AP3S1: variants seen among roughly 807,000 people sequenced by gnomAD.
AP3S1 encodes AP-3 complex subunit sigma-1.
AP3S1 carries 12 observed loss-of-function variants against 21.3 expected under a neutral mutation model. That is an observed-to-expected ratio of 0.56 (90% CI 0.36 to 0.91). The LOEUF (loss-of-function observed/expected upper bound fraction) is 0.91. Ranked by LOEUF, AP3S1 falls within the 40% of genes least tolerant of loss-of-function variation. The probability of loss-of-function intolerance (pLI) is 0.01; values close to 1 mark genes in which losing one functional copy is unlikely to be tolerated. For missense variants in AP3S1, 116 were observed against 225.0 expected (o/e 0.52, Z 3.10); for synonymous variants, 48 against 78.4 (o/e 0.61, Z 2.05).
At chr5:115,855,022 T>C (rs1466083341) in intron 1 of AP3S1, among the ~76,000 whole-genome samples, 2 of 124,394 alleles carry the variant, frequency 1.6e-5, no homozygotes, top group African/African-American at 7.1e-5. Flanking sequence ...ATATTTTATA[T>C]CTATCTATCT....
chr5:115,903,748 T>G (rs890976039), intron 5 of AP3S1: 6 of 152,154 alleles, frequency 3.9e-5, no homozygotes, highest in Non-Finnish European at 7.3e-5. Flanking sequence ...AGCACTAGTC[T>G]GAATATCAGT....
chr5:115,888,610 C>CT (rs1269084381), intron 3 of AP3S1, among the ~76,000 whole-genome samples: 3 of 151,726 alleles, frequency 2.0e-5, no homozygotes, highest in East Asian at 1.9e-4. Flanking sequence ...TTGCAGGGTA[C>CT]TTTTTTTATA....
intron 3 of AP3S1, among the ~76,000 whole-genome samples, chr5:115,870,982 G>A (rs192561015): frequency 1.6e-4 from 24 of 152,280 alleles, no homozygotes; most frequent in Middle Eastern, 3.4e-3. Flanking sequence ...GATATGAAGA[G>A]GTCCAGATGA....
intron 1 of AP3S1, among the ~76,000 whole-genome samples, chr5:115,864,956 G>C (rs977607468): frequency 3.3e-5 from 5 of 152,150 alleles, no homozygotes; most frequent in Non-Finnish European, 4.4e-5. Context: ...TCTGTAATAT[G>C]ATGCTAAAGC....
chr5:115,852,953 G>A, intron 1 of AP3S1: 1 of 442,610 alleles, frequency 2.3e-6, no homozygotes, highest in Non-Finnish European at 4.5e-6. Context: ...GAATTTTTCT[G>A]TGACCATATA....
At chr5:115,865,692 T>A (rs1215454926) in intron 1 of AP3S1, among the ~76,000 whole-genome samples, 1 of 152,228 alleles carries the variant, frequency 6.6e-6, no homozygotes, top group African/African-American at 2.4e-5. Flanking sequence ...TAATTACTAC[T>A]GCGATTTAGT....
At chr5:115,863,588 A>G (rs1474913138) in intron 1 of AP3S1, among the ~76,000 whole-genome samples, 2 of 152,046 alleles carry the variant, frequency 1.3e-5, no homozygotes, top group Admixed American at 6.5e-5. Flanking sequence ...AGAAAAGAAA[A>G]AGAAAATTCA....
chr5:115,860,739 C>T (rs1479202825), intron 1 of AP3S1, among the ~76,000 whole-genome samples: 1 of 152,190 alleles, frequency 6.6e-6, no homozygotes, highest in Non-Finnish European at 1.5e-5. Flanking sequence ...TTCCCATTCT[C>T]CTCATCCTTG....
intron 5 of AP3S1, chr5:115,906,741 C>A: frequency 9.2e-7 from 1 of 1,091,628 alleles, no homozygotes; most frequent in Non-Finnish European, 1.3e-6. Flanking sequence ...TGAATTTAGT[C>A]ACTACTTTTT....
At chr5:115,863,689 T>A (rs972133649) in intron 1 of AP3S1, among the ~76,000 whole-genome samples, 12 of 152,198 alleles carry the variant, frequency 7.9e-5, no homozygotes, top group African/African-American at 2.9e-4. Flanking sequence ...ATCCAGCTCT[T>A]ATGTGGGCAC....
chr5:115,858,686 T>C (rs1456532439), intron 1 of AP3S1, among the ~76,000 whole-genome samples: 2 of 151,708 alleles, frequency 1.3e-5, no homozygotes, highest in African/African-American at 4.8e-5. Flanking sequence ...TTTGGGTCAA[T>C]TTCCCACCTT....
chr5:115,846,824 C>T (rs577927900), intron 1 of AP3S1, among the ~76,000 whole-genome samples: 2 of 152,202 alleles, frequency 1.3e-5, no homozygotes, highest in South Asian at 2.1e-4. Flanking sequence ...AAATTCCATA[C>T]GATTTGGTTT....
At chr5:115,866,457 T>C (rs1281963505) in intron 1 of AP3S1, among the ~76,000 whole-genome samples, 1 of 152,186 alleles carries the variant, frequency 6.6e-6, no homozygotes, top group Admixed American at 6.5e-5. Context: ...ACTTTTATTA[T>C]AGTGGTAAAT....
At chr5:115,851,327 T>C (rs866837580) in intron 1 of AP3S1, among the ~76,000 whole-genome samples, 26 of 152,220 alleles carry the variant, frequency 1.7e-4, no homozygotes, top group African/African-American at 6.0e-4. Context: ...TTTTACTTTT[T>C]ATAGGTACAT....
rs576099376 is a variant in AP3S1, at chr5:115,886,136, G to C, written c.274-8951G>C. Among the ~76,000 whole-genome samples, 13 of 152,276 alleles carry C rather than the reference G, an allele frequency of 8.5e-5. No individual in the cohort carries two copies. In the South Asian group the frequency reaches 2.5e-3, roughly 29 times the overall value. On this transcript the variant is annotated intron_variant, in intron 3 of 5. Coordinates refer to ENST00000316788, the MANE Select transcript of AP3S1 (RefSeq NM_001284.4). ...TGCTTTAGATTACTCTTCTGCAAATGGTTGATGATAAAAGTAGTTGCCTTA... is the reference window on the plus strand; with the variant it reads ...TGCTTTAGATTACTCTTCTGCAAATCGTTGATGATAAAAGTAGTTGCCTTA...
rs143271723 is a variant in AP3S1 at position 115,867,457 on chromosome 5, T to C, written c.161+696T>C. Among the ~76,000 whole-genome samples, 772 of 152,260 alleles carry C rather than the reference T, an allele frequency of 5.1e-3. 2 individuals are homozygous for C. Among genetic ancestry groups the C allele is most frequent in the South Asian group, 7.0e-3 (34 of 4,826 alleles). On this transcript the variant is annotated intron_variant, in intron 2 of 5. Coordinates refer to ENST00000316788, the MANE Select transcript of AP3S1 (RefSeq NM_001284.4). Reference sequence around the variant, plus strand: ...TTTAAACTAATAACTTCCATGAAAATGGTTTGTTCTCAAACATAAATCAGT... The same window carrying C: ...TTTAAACTAATAACTTCCATGAAAACGGTTTGTTCTCAAACATAAATCAGT...
chr5:115,910,873 C>T (rs764212091), intron 5 of AP3S1, among the ~76,000 whole-genome samples: 2 of 152,084 alleles, frequency 1.3e-5, no homozygotes, highest in Non-Finnish European at 2.9e-5. Context: ...AATTTTCCTA[C>T]CATTTAAATT....
chr5:115,868,435 ATCT>A (rs1747890799), intron 2 of AP3S1, among the ~76,000 whole-genome samples: 1 of 152,180 alleles, frequency 6.6e-6, no homozygotes, highest in South Asian at 2.1e-4. Context: ...TAAATTAAAC[ATCT>A]TCTCTAGAAG....
At chr5:115,908,982 C>G in intron 5 of AP3S1, 1 of 983,894 alleles carries the variant, frequency 1.0e-6, no homozygotes, top group South Asian at 4.7e-5. Flanking sequence ...GCTGTTAGGT[C>G]AAAATTATGA....
Sources: allele counts gnomAD v4.1 joint callset (sites outside exome capture counted in the v4.1 genomes callset), GRCh38; gene constraint gnomAD v4.1.1; transcripts MANE v1.5; gene names NCBI Gene and HGNC (gene_info 2026-07-23, HGNC 2026-07-21).